Variants in KIF23 observed in about 807,000 individuals in gnomAD.
KIF23 encodes the protein kinesin-like protein KIF23.
In KIF23, 30 loss-of-function variants were observed where a neutral mutation model predicts 137.5. That is an observed-to-expected ratio of 0.22 (90% confidence interval 0.16 to 0.30). The LOEUF is 0.30. Among genes scored for constraint, KIF23 ranks in the 10% least tolerant of loss-of-function variants. The pLI, the probability that KIF23 is intolerant of heterozygous loss-of-function variation, is 1.00. For synonymous variants in KIF23, 367 were observed against 391.1 expected (o/e 0.94, Z 0.73); for missense variants, 920 against 1,194.3 (o/e 0.77, Z 3.38).
In KIF23 at chr15:69,425,333, G is replaced by A; in HGVS notation, c.776+10G>A. The A allele has an allele frequency of 6.5e-7, 1 of 1,534,838 alleles. No homozygotes were observed. Among genetic ancestry groups the A allele is most frequent in the East Asian group, 2.4e-5 (1 of 40,882 alleles). ...GGAACACAGATTTTGTGTATGTGAT[G>A]GTGTTGGCTCTTTTCTTAAGGAGAA... On this transcript the variant is annotated intron_variant, in intron 8 of 23. Transcript: ENST00000679126.
intron 2 of KIF23, 128 bp downstream of exon 2, chr15:69,416,191 T>A: frequency 1.8e-6 from 1 of 548,218 alleles, no homozygotes; most frequent in Non-Finnish European, 3.1e-6. Flanking sequence ...AACATTTAGT[T>A]AAATGGATGT....
At chr15:69,436,755 TAATTA>T in intron 15 of KIF23, 33 bp downstream of exon 15, 1 of 1,364,688 alleles carries the variant, frequency 7.3e-7, no homozygotes, top group Non-Finnish European at 9.7e-7. Context: ...TAATTTTATT[TAATTA>T]TTTTTTTTTT....
chr15:69,441,085 T>C lies in KIF23; in HGVS notation c.2421+6T>C. ...AAGAGGATCATTGCGGCAGGGTTAG[T>C]GCCAGTATTATTTTAACGCATTGTA... On this transcript the variant is annotated splice_donor_region_variant and intron_variant, in intron 19 of 23. Coordinates refer to ENST00000679126, the MANE Select transcript of KIF23 (RefSeq NM_001367805.3). 6.3e-7 allele frequency: 1 copy of C among 1,598,294 alleles called. No individual in the cohort carries two copies. Among genetic ancestry groups the C allele is most frequent in the Non-Finnish European group, 8.5e-7 (1 of 1,170,728 alleles).
At position 69,429,187 on chromosome 15, in the gene KIF23, C is replaced by G. The variant is rs768732101; in HGVS notation, c.1088C>G (p.Ala363Gly). The G allele has an allele frequency of 6.2e-7, 1 of 1,612,232 alleles. No homozygotes were observed. The change falls in exon 11 of 24, where the codon GCA becomes GGA. Residue 363 changes from alanine (A) to glycine (G), a missense_variant. Coordinates refer to ENST00000679126, the MANE Select transcript of KIF23 (RefSeq NM_001367805.3). ...AGTGAAAGAACTAACCGGACCAGAG[C>G]AGAAGGGAACAGATTACGTGAAGCT... ...AGSERTNRTR[A>G]EGNRLREAGN...
At chr15:69,423,059 A>G (rs1595985663) in intron 6 of KIF23, 100 bp from the exon 7 acceptor site, 1 of 793,396 alleles carries the variant, frequency 1.3e-6, no homozygotes, top group Non-Finnish European at 2.1e-6. Context: ...TCGGCCTCCC[A>G]AAGTGCTGGG....
chr15:69,440,628 AAC>A (rs1282207011), intron 18 of KIF23, 138 bp from the exon 19 acceptor site: 13 of 1,136,886 alleles, frequency 1.1e-5, no homozygotes, highest in African/African-American at 1.1e-4. Flanking sequence ...ATTTAGAATA[AAC>A]ACAAATTTAG....
intron 10 of KIF23, chr15:69,427,522 G>T: frequency 2.2e-6 from 1 of 446,974 alleles, no homozygotes; most frequent in Non-Finnish European, 4.5e-6. Context: ...TCAGTTAGTG[G>T]TTTTAAAATG....
chr15:69,429,212 T>G lies in KIF23; in HGVS notation c.1113T>G (p.Ala371=). 1 of 1,603,170 alleles carries G rather than the reference T, an allele frequency of 6.2e-7. No individual in the cohort carries two copies. The highest frequency in any genetic ancestry group is 8.5e-7 in the Non-Finnish European group (1 of 1,172,420). Reference sequence around the variant, plus strand: ...CAGAAGGGAACAGATTACGTGAAGCTGGTGAGTAAAGCATGGTATTTATTT... The same window carrying G: ...CAGAAGGGAACAGATTACGTGAAGCGGGTGAGTAAAGCATGGTATTTATTT... ...TRAEGNRLRE[A]GNINQSLMTL... is the part of the protein sequence containing the mutation. The change falls in exon 11 of 24, where the codon GCT becomes GCG. Residue 371 remains alanine (A), a splice_region_variant and synonymous_variant. Coordinates refer to ENST00000679126, the MANE Select transcript of KIF23 (RefSeq NM_001367805.3).
intron 3 of KIF23, among the ~76,000 whole-genome samples, chr15:69,420,984 G>A (rs1226643080): frequency 6.6e-6 from 1 of 152,164 alleles, no homozygotes; most frequent in African/African-American, 2.4e-5. Flanking sequence ...ATGACATAAT[G>A]CTTGTAGATT....
chr15:69,436,302 G>A (rs2057478211), intron 14 of KIF23, 41 bp downstream of exon 14: 2 of 1,571,528 alleles, frequency 1.3e-6, no homozygotes, highest in Non-Finnish European at 1.7e-6. Flanking sequence ...TCATTGGTCT[G>A]TCTGTTTCTC....
chr15:69,440,155 TTATTG>T (rs2057579687), intron 17 of KIF23, 78 bp downstream of exon 17: 2 of 1,526,424 alleles, frequency 1.3e-6, no homozygotes, highest in African/African-American at 2.8e-5. Flanking sequence ...ATATTTTGAA[TTATTG>T]TATTTGCGGT....
At chr15:69,414,639 T>A in intron 1 of KIF23, 163 bp downstream of exon 1, 1 of 724,280 alleles carries the variant, frequency 1.4e-6, no homozygotes, top group Non-Finnish European at 2.0e-6. Context: ...AACCTCCACG[T>A]GTGGCCGCTC....
Position 69,439,852 on chromosome 15 carries a change from G to A in KIF23, c.1756-52G>A, listed in dbSNP as rs373502485. On this transcript the variant is annotated intron_variant, in intron 16 of 23. Transcript: ENST00000679126. Reference sequence around the variant, plus strand: ...AAATTAAGGAAGACTATTTTATAGCGACATGAAATGTTTATATACCAAATA... The same window carrying A: ...AAATTAAGGAAGACTATTTTATAGCAACATGAAATGTTTATATACCAAATA... The A allele has an allele frequency of 4.0e-4, 536 of 1,341,338 alleles. 2 individuals carry two copies. In the African/African-American group the frequency reaches 7.1e-3, roughly 18 times the overall value. 83.1% of individuals were successfully genotyped at this position (1,341,338 alleles called of 1,614,324 possible). A position where few individuals can be genotyped will look rare whatever the true frequency, so the allele number is the denominator to read the frequency against.
chr15:69,422,174 C>T (rs1350360224), intron 5 of KIF23, 46 bp downstream of exon 5: 2 of 1,600,040 alleles, frequency 1.2e-6, no homozygotes, highest in East Asian at 2.2e-5. Flanking sequence ...TGGACTAAGA[C>T]ACCTATGGAT....
rs373577397 is a variant in KIF23, at chr15:69,423,342, G to C, written c.734+13G>C. 3.3e-5 allele frequency: 50 copies of C among 1,521,692 alleles called. No individual in the cohort carries two copies. In the African/African-American group the frequency reaches 7.1e-4, roughly 22 times the overall value. The allele number at this position is 1,521,692 out of a possible 1,614,324, so 94.3% of individuals were successfully genotyped here. A position where few individuals can be genotyped will look rare whatever the true frequency, so the allele number is the denominator to read the frequency against. ...CCATAAAACCCAAGTAAGTAATAAA[G>C]AGAGCCCCTTCTTAGCTGTTAATGT... On this transcript the variant is annotated intron_variant, in intron 7 of 23. Coordinates refer to ENST00000679126, the MANE Select transcript of KIF23 (RefSeq NM_001367805.3).
intron 19 of KIF23, among the ~76,000 whole-genome samples, chr15:69,441,827 G>C (rs2057628423): frequency 6.6e-6 from 1 of 151,604 alleles, no homozygotes; most frequent in Non-Finnish European, 1.5e-5. Context: ...GGAGTGCAGT[G>C]GCATGATTAT....
intron 3 of KIF23, among the ~76,000 whole-genome samples, chr15:69,419,875 T>C (rs2057010061): frequency 6.6e-6 from 1 of 152,158 alleles, no homozygotes; most frequent in Non-Finnish European, 1.5e-5. Flanking sequence ...TATGTATAAA[T>C]ATAGGTATCG....
Position 69,416,070 on chromosome 15 carries a change from T to A in KIF23, c.81+7T>A. 4.5e-6 allele frequency: 7 copies of A among 1,556,116 alleles called. No individual in the cohort carries two copies. Among genetic ancestry groups the A allele is most frequent in the Non-Finnish European group, 6.0e-6 (7 of 1,159,358 alleles). Reference sequence around the variant, plus strand: ...CCTTAAAGACCCAGTTGGGGTAAGGTATCCCTGTAAATTTATGTGTGGTGT... The same window carrying A: ...CCTTAAAGACCCAGTTGGGGTAAGGAATCCCTGTAAATTTATGTGTGGTGT... On this transcript the variant is annotated splice_region_variant and intron_variant, in intron 2 of 23. Transcript: ENST00000679126.
rs146292672 is a variant in KIF23 at position 69,432,436 on chromosome 15, A to G, written c.1115-3047A>G. Among the ~76,000 whole-genome samples the G allele has an allele frequency of 1.6e-3, 251 of 152,318 alleles. 2 individuals are homozygous for G. The highest frequency in any genetic ancestry group is 3.0e-3 in the Non-Finnish European group (203 of 68,034). Reference sequence around the variant, plus strand: ...AACCAGGGACTGGCATGTAGGAGGAATATTTCAAGGCAATAAGGAGGAACT... The same window carrying G: ...AACCAGGGACTGGCATGTAGGAGGAGTATTTCAAGGCAATAAGGAGGAACT... On this transcript the variant is annotated intron_variant, in intron 11 of 23. Coordinates refer to ENST00000679126, the MANE Select transcript of KIF23 (RefSeq NM_001367805.3).
Sources: allele counts gnomAD v4.1 joint callset (sites outside exome capture counted in the v4.1 genomes callset), GRCh38; gene constraint gnomAD v4.1.1; transcripts MANE v1.5; gene names NCBI Gene and HGNC (gene_info 2026-07-23, HGNC 2026-07-21).